UROS: variants seen among roughly 807,000 people sequenced by gnomAD.
The protein encoded by UROS is uroporphyrinogen-III synthase.
UROS carries 18 observed loss-of-function variants against 33.0 expected under a neutral mutation model. That is an observed-to-expected ratio of 0.55 (90% CI 0.38 to 0.81). The LOEUF is 0.81. UROS is among the 30% of genes least tolerant of loss of function. The probability of loss-of-function intolerance (pLI) is 0.00; values close to 1 mark genes in which losing one functional copy is unlikely to be tolerated. For missense variants in UROS, 293 were observed against 314.9 expected, an observed-to-expected ratio of 0.93 and a Z score of 0.53; for synonymous variants, 114 against 121.1, an observed-to-expected ratio of 0.94 and a Z score of 0.38.
In UROS at chr10:125,807,470, C is replaced by G. The variant is rs754414355; in HGVS notation, c.337G>C (p.Asp113His). ...TASLVSKIGL[D>H]TEGETCGNAE... ...TTTCCACAGGTTTCTCCTTCTGTAT[C>G]CAGGCCAATTTTACTCACTGGAAAA... Residue 113 changes from aspartate to histidine, a missense_variant, in exon 6 of 10, where the codon GAT becomes CAT. Coordinates refer to ENST00000368797, the MANE Select transcript of UROS (RefSeq NM_000375.3). The G allele has an allele frequency of 1.1e-5, 17 of 1,613,894 alleles. No individual in the cohort carries two copies. Among genetic ancestry groups the G allele is most frequent in the Admixed American group, 8.3e-5 (5 of 60,002 alleles).
At chr10:125,796,485 A>T (rs1362735564) in intron 7 of UROS, among the ~76,000 whole-genome samples, 1 of 152,204 alleles carries the variant, frequency 6.6e-6, no homozygotes, top group Non-Finnish European at 1.5e-5. Context: ...AGGCTTATGT[A>T]GGTTTGTCCA....
At chr10:125,817,280 C>A (rs1187289725) in intron 1 of UROS, among the ~76,000 whole-genome samples, 2 of 126,464 alleles carry the variant, frequency 1.6e-5, no homozygotes. Context: ...GTTGCCCAGG[C>A]TAGTCTCGAA....
chr10:125,789,128 T>C lies in UROS; in HGVS notation c.661-123A>G. The C allele has an allele frequency of 2.1e-6, 3 of 1,451,776 alleles. No individual in the cohort carries two copies. In the Admixed American group the frequency reaches 5.7e-5, roughly 28 times the overall value. The allele number at this position is 1,451,776 out of a possible 1,614,324, so 89.9% of individuals were successfully genotyped here. On this transcript the variant is annotated intron_variant, in intron 9 of 9. Coordinates refer to ENST00000368797, the MANE Select transcript of UROS (RefSeq NM_000375.3). Reference sequence around the variant, plus strand: ...GTTGGACGTTACTGCTCATGTGACGTGTTTATAAAAATGACAACACTGCCC... The same window carrying C: ...GTTGGACGTTACTGCTCATGTGACGCGTTTATAAAAATGACAACACTGCCC...
chr10:125,795,758 A>T (rs1851300290), intron 8 of UROS, among the ~76,000 whole-genome samples: 1 of 152,164 alleles, frequency 6.6e-6, no homozygotes, highest in Admixed American at 6.5e-5. Context: ...GCTTTGCGTA[A>T]ATTATCTCCT....
Position 125,803,027 on chromosome 10 carries a change from G to T in UROS, c.394+4386C>A, listed in dbSNP as rs1378310139. The T allele has an allele frequency of 1.9e-6, 3 of 1,612,890 alleles. No homozygotes were observed. In the East Asian group the frequency reaches 6.7e-5, roughly 36 times the overall value. On this transcript the variant is annotated intron_variant, in intron 6 of 9. Transcript: ENST00000368797. ...AAAGATTCCTTTGACTTCTTCACCT[G>T]AGGGAAGAGAAATGAGCATATTTTG...
chr10:125,807,513 T>C lies in UROS; in HGVS notation c.320-26A>G, dbSNP rs144792248. 47 of 1,582,928 alleles carry C rather than the reference T, an allele frequency of 3.0e-5. 1 individual carries two copies. In the African/African-American group the frequency reaches 5.2e-4, roughly 18 times the overall value. On this transcript the variant is annotated intron_variant, in intron 5 of 9. Transcript: ENST00000368797. ...CTGGAAAACCACAAAGAAATGTATT[T>C]CTTAACACGGTTATTGAAGTCCTTT... is the stretch of plus-strand genomic sequence containing the variant.
intron 7 of UROS, chr10:125,796,974 C>T: frequency 2.1e-6 from 1 of 469,014 alleles, no homozygotes; most frequent in Non-Finnish European, 2.8e-6. Flanking sequence ...AAGTATCAAA[C>T]CTCTGATTTA....
chr10:125,787,976 A>G (rs1024055957), downstream of UROS, among the ~76,000 whole-genome samples: 5 of 152,170 alleles, frequency 3.3e-5, no homozygotes, highest in Admixed American at 3.3e-4. Flanking sequence ...TCACCTCACC[A>G]GAGTCTGTTT....
At chr10:125,813,237 G>A (rs1420661286) in intron 4 of UROS, among the ~76,000 whole-genome samples, 1 of 152,198 alleles carries the variant, frequency 6.6e-6, no homozygotes, top group Non-Finnish European at 1.5e-5. Context: ...GTGTGTCCCA[G>A]GTAAGTCAGT....
At chr10:125,818,521 A>T (rs138666157) in intron 1 of UROS, among the ~76,000 whole-genome samples, 1 of 139,774 alleles carries the variant, frequency 7.2e-6, no homozygotes, top group Non-Finnish European at 1.6e-5. Context: ...AATAATATAA[A>T]ATTAAAAGGT....
At position 125,798,120 on chromosome 10, in the gene UROS, T is replaced by G. The variant is rs199603635; in HGVS notation, c.420A>C (p.Leu140=). The change falls in exon 7 of 10, where the codon CTA becomes CTC. Residue 140 remains leucine (L), a synonymous_variant. Transcript: ENST00000368797. ...CTCTTTTGAGGTTTCCACAGGGAAATAGAAGAGGCAGTGCTGAGGACTCCC... is the reference window on the plus strand; with the variant it reads ...CTCTTTTGAGGTTTCCACAGGGAAAGAGAAGAGGCAGTGCTGAGGACTCCC... The part of the protein sequence containing the change: ...CSRESSALPL[L]FPCGNLKREI... 1 of 1,613,956 alleles carries G rather than the reference T, an allele frequency of 6.2e-7. No individual in the cohort carries two copies. Among genetic ancestry groups the G allele is most frequent in the East Asian group, 2.2e-5 (1 of 44,856 alleles).
chr10:125,800,862 G>C (rs994825201), intron 6 of UROS, among the ~76,000 whole-genome samples: 1 of 152,090 alleles, frequency 6.6e-6, no homozygotes, highest in Non-Finnish European at 1.5e-5. Flanking sequence ...GAGCCACTGC[G>C]CCCAGCTGAG....
At chr10:125,811,778 G>C (rs1170982187) in intron 5 of UROS, among the ~76,000 whole-genome samples, 1 of 145,264 alleles carries the variant, frequency 6.9e-6, no homozygotes, top group Non-Finnish European at 1.5e-5. Flanking sequence ...CTCAAGACTG[G>C]AAAAATGCAC....
intron 4 of UROS, among the ~76,000 whole-genome samples, chr10:125,813,714 A>C (rs894480290): frequency 6.6e-6 from 1 of 152,162 alleles, no homozygotes; most frequent in Non-Finnish European, 1.5e-5. Context: ...CCTGACCTCA[A>C]GTGATCTGCC....
intron 1 of UROS, among the ~76,000 whole-genome samples, chr10:125,817,566 A>G (rs1453645498): frequency 6.6e-6 from 1 of 152,076 alleles, no homozygotes; most frequent in Non-Finnish European, 1.5e-5. Context: ...TTAAATGGGA[A>G]TAACCTCTGC....
At chr10:125,809,067 C>T (rs895072246) in intron 5 of UROS, among the ~76,000 whole-genome samples, 6 of 152,234 alleles carry the variant, frequency 3.9e-5, no homozygotes, top group African/African-American at 1.4e-4. Flanking sequence ...CTGACTGCCA[C>T]AGTTAAAGGG....
chr10:125,791,181 G>T (rs548803308), intron 9 of UROS, among the ~76,000 whole-genome samples: 1 of 152,028 alleles, frequency 6.6e-6, no homozygotes, highest in African/African-American at 2.4e-5. Flanking sequence ...GTAGGCAAAG[G>T]ATTTGAATAG....
intron 6 of UROS, chr10:125,802,422 C>G: frequency 3.0e-6 from 3 of 985,906 alleles, no homozygotes; most frequent in Non-Finnish European, 3.6e-6. Context: ...CCCCAGCAAT[C>G]CAGTCTGGAA....
intron 1 of UROS, among the ~76,000 whole-genome samples, chr10:125,820,718 G>C (rs1457355559): frequency 2.0e-5 from 3 of 152,204 alleles, no homozygotes; most frequent in Non-Finnish European, 4.4e-5. Context: ...GTCCCTGGGA[G>C]GTTTGAGTAA....
Sources: gnomAD v4.1 joint callset for allele counts (sites outside exome capture counted in the v4.1 genomes callset) on GRCh38, gnomAD v4.1.1 for gene constraint, MANE v1.5 for transcripts, NCBI Gene and HGNC (gene_info 2026-07-23, HGNC 2026-07-21) for gene names.